EIF5: variants seen among roughly 807,000 people sequenced by gnomAD.
EIF5 encodes the protein eukaryotic translation initiation factor 5.
Under a neutral mutation model 48.3 loss-of-function variants are expected in EIF5, and 10 were observed. That is an observed-to-expected ratio of 0.21 (90% CI 0.13 to 0.35). EIF5 has a LOEUF of 0.35. Among genes scored for constraint, EIF5 ranks in the 10% least tolerant of loss-of-function variants. The probability of loss-of-function intolerance (pLI) is 1.00; values close to 1 mark genes in which losing one functional copy is unlikely to be tolerated. For synonymous variants in EIF5, 237 were observed against 173.1 expected (o/e 1.37, Z -2.90); for missense variants, 397 against 533.2 (o/e 0.74, Z 2.51).
Position 103,334,470 on chromosome 14 carries a change from G to C in EIF5, c.-336G>C, listed in dbSNP as rs1407656750. The C allele has an allele frequency of 6.6e-6, 1 of 152,460 alleles. No individual in the cohort carries two copies. The highest frequency in any genetic ancestry group is 1.5e-5 in the Non-Finnish European group (1 of 68,244). The allele number at this position is 152,460 out of a possible 1,614,324, so 9.4% of individuals were successfully genotyped here. ...TCCCCGCTGCTCGGCGGCGGCACCT[G>C]GCCCGGCCGCTCCTCGCTGCGCTTC... On this transcript the variant is annotated 5_prime_UTR_variant, in exon 2 of 12. Coordinates refer to ENST00000216554, the MANE Select transcript of EIF5 (RefSeq NM_001969.5).
In EIF5 at chr14:103,340,565, A is replaced by G; in HGVS notation, c.1206+4A>G. 1 of 1,609,214 alleles carries G rather than the reference A, an allele frequency of 6.2e-7. No homozygotes were observed. Among genetic ancestry groups the G allele is most frequent in the Non-Finnish European group, 8.5e-7 (1 of 1,175,800 alleles). On this transcript the variant is annotated splice_donor_region_variant and intron_variant, in intron 11 of 11. Transcript: ENST00000216554. ...AGATGAAGATGAGAACATTGAGGTAAACATTGGGGGAGGAGGGTATTGGAT... is the reference window on the plus strand; with the variant it reads ...AGATGAAGATGAGAACATTGAGGTAGACATTGGGGGAGGAGGGTATTGGAT...
Position 103,341,995 on chromosome 14 carries a change from C to T in EIF5, c.*943C>T, listed in dbSNP as rs1481659936. 1 of 152,562 alleles carries T rather than the reference C, an allele frequency of 6.6e-6. No homozygotes were observed. Among genetic ancestry groups the T allele is most frequent in the Non-Finnish European group, 1.5e-5 (1 of 68,024 alleles). 9.5% of individuals were successfully genotyped at this position (152,562 alleles called of 1,614,324 possible). On this transcript the variant is annotated 3_prime_UTR_variant, in exon 12 of 12. Coordinates refer to ENST00000216554, the MANE Select transcript of EIF5 (RefSeq NM_001969.5). The stretch of plus-strand genomic sequence containing the variant: ...GTTAGACATACTGTATTTTTTCGTT[C>T]AGTGTGGCTTTAATTTTCCCCTCTT...
In EIF5 at chr14:103,338,443, A is replaced by G; in HGVS notation, c.556A>G (p.Asn186Asp). The stretch of plus-strand genomic sequence containing the variant: ...GACACCACCACCACCACCACCACCA[A>G]ATGAAATTAATCCTCCTCCACATAC... The part of the protein sequence containing the change: ...SETPPPPPPP[N>D]EINPPPHTME... The change falls in exon 7 of 12, where the codon AAT becomes GAT. Residue 186 changes from asparagine (N) to aspartate (D), a missense_variant. Around this residue, in one of 4 missense-constraint regions of EIF5, gnomAD observed 126 missense variants for 141.9 expected, o/e 0.89. Coordinates refer to ENST00000216554, the MANE Select transcript of EIF5 (RefSeq NM_001969.5). 6.3e-7 allele frequency: 1 copy of G among 1,581,170 alleles called. No homozygotes were observed. The highest frequency in any genetic ancestry group is 8.6e-7 in the Non-Finnish European group (1 of 1,162,654).
Position 103,335,877 on chromosome 14 carries a change from A to T in EIF5, c.17A>T (p.Asn6Ile). 1.2e-6 allele frequency: 2 copies of T among 1,614,196 alleles called. No individual in the cohort carries two copies. Residue 6 changes from asparagine (N) to isoleucine (I), a missense_variant, in exon 3 of 12, where the codon AAC (asparagine) becomes ATC (isoleucine). By Grantham distance (149) the Asn-to-Ile change is moderately radical (BLOSUM62 -3). Around this residue, in one of 4 missense-constraint regions of EIF5, gnomAD observed 108 missense variants for 188.3 expected, o/e 0.57. Transcript: ENST00000216554. MSVNVNRSVSDQFYRY... is the reference protein window; with the variant it reads MSVNVIRSVSDQFYRY... ...TAAGCCAAAATGTCTGTCAATGTCA[A>T]CCGCAGCGTGTCAGACCAGTTCTAT... is the stretch of plus-strand genomic sequence containing the variant.
chr14:103,335,045 A>G (rs1333320113), intron 2 of EIF5: 1 of 152,192 alleles, frequency 6.6e-6, no homozygotes, highest in Non-Finnish European at 1.5e-5. Context: ...CGCGGTAGCC[A>G]TGGGGACCAG....
At chr14:103,339,449 C>G in intron 9 of EIF5, 116 bp downstream of exon 9, 1 of 1,433,814 alleles carries the variant, frequency 7.0e-7, no homozygotes. Flanking sequence ...ATTGACCCAC[C>G]TTACAAGCCT....
chr14:103,336,019 A>AT lies in EIF5; in HGVS notation c.73-15dup. ...TGTCAGGGGAAACTGCACAACTAAA[A>AT]TTCTTATTTCCTTTAGGTTGAGGGC... On this transcript the variant is annotated splice_polypyrimidine_tract_variant and intron_variant, in intron 3 of 11. Coordinates refer to ENST00000216554, the MANE Select transcript of EIF5 (RefSeq NM_001969.5). 6.2e-7 allele frequency: 1 copy of AT among 1,614,148 alleles called. No individual in the cohort carries two copies. Among genetic ancestry groups the AT allele is most frequent in the South Asian group, 1.1e-5 (1 of 91,072 alleles).
intron 6 of EIF5, chr14:103,337,462 C>T (rs1018433094): frequency 1.0e-5 from 5 of 496,052 alleles, no homozygotes; most frequent in South Asian, 2.7e-5. Context: ...ACTAGCTTAG[C>T]ATGGTGGTGT....
At position 103,342,350 on chromosome 14, in the gene EIF5, T is replaced by C. The variant is rs996213020; in HGVS notation, c.*1298T>C. 2 of 152,038 alleles carry C rather than the reference T, an allele frequency of 1.3e-5. No individual in the cohort carries two copies. Among genetic ancestry groups the C allele is most frequent in the Admixed American group, 6.6e-5 (1 of 15,258 alleles). The allele number at this position is 152,038 out of a possible 1,614,324, so 9.4% of individuals were successfully genotyped here. On this transcript the variant is annotated 3_prime_UTR_variant, in exon 12 of 12. Coordinates refer to ENST00000216554, the MANE Select transcript of EIF5 (RefSeq NM_001969.5). ...GGCTTTAGATTTGGACACACAAGAG[T>C]TGATAACTTCCTCATGAACTCCTTG... is the stretch of plus-strand genomic sequence containing the variant.
In EIF5 at chr14:103,335,928, C is replaced by G; in HGVS notation, c.68C>G (p.Ala23Gly). 1 of 1,614,170 alleles carries G rather than the reference C, an allele frequency of 6.2e-7. No individual in the cohort carries two copies. ...FYRYKMPRLI[A>G]KVEGKGNGIK... ...CGCTACAAGATGCCCCGTCTGATTG[C>G]CAAGGTAATAAACTGCTCTTCAATT... The change falls in exon 3 of 12, where the codon GCC becomes GGC. Residue 23 changes from alanine to glycine, a missense_variant. Coordinates refer to ENST00000216554, the MANE Select transcript of EIF5 (RefSeq NM_001969.5).
At chr14:103,338,505 A>C in intron 7 of EIF5, 33 bp downstream of exon 7, 1 of 1,543,902 alleles carries the variant, frequency 6.5e-7, no homozygotes, top group African/African-American at 1.4e-5. Flanking sequence ...AGTGGGCACT[A>C]AAGTTGTGTA....
intron 2 of EIF5, chr14:103,335,163 G>GT (rs2140357635): frequency 6.6e-6 from 1 of 152,464 alleles, no homozygotes; most frequent in Non-Finnish European, 1.5e-5. Context: ...CGAGCGCTGC[G>GT]TTTAAGGAAG....
chr14:103,337,987 G>C (rs1314836535), intron 6 of EIF5: 2 of 547,900 alleles, frequency 3.7e-6, no homozygotes, highest in Non-Finnish European at 3.6e-6. Flanking sequence ...TCCACCTGTT[G>C]GCTAAAGCTG....
intron 2 of EIF5, 172 bp downstream of exon 2, chr14:103,334,769 C>T (rs1223690823): frequency 6.7e-6 from 1 of 148,908 alleles, no homozygotes; most frequent in Non-Finnish European, 1.5e-5. Context: ...CGCCCCCTCC[C>T]CGGCATGGCG....
Position 103,339,620 on chromosome 14 carries a change from C to T in EIF5, c.907-19C>T, listed in dbSNP as rs1001280375. ...GAACACATAAAAAAGATTGTTAACA[C>T]CAAGGTGTCTATTTGCAGTTTTGTC... is the stretch of plus-strand genomic sequence containing the variant. On this transcript the variant is annotated intron_variant, in intron 9 of 11. Transcript: ENST00000216554. 11 of 1,613,850 alleles carry T rather than the reference C, an allele frequency of 6.8e-6. No individual in the cohort carries two copies. In the African/African-American group the frequency reaches 1.5e-4, roughly 22 times the overall value.
Position 103,340,537 on chromosome 14 carries a change from A to G in EIF5, c.1182A>G (p.Glu394=). 1 of 1,612,790 alleles carries G rather than the reference A, an allele frequency of 6.2e-7. No homozygotes were observed. Among genetic ancestry groups the G allele is most frequent in the Non-Finnish European group, 8.5e-7 (1 of 1,178,794 alleles). The change falls in exon 11 of 12, where the codon GAA becomes GAG. Residue 394 remains glutamate, a synonymous_variant. Transcript: ENST00000216554. ...EAEEESSGGE[E]EDEDENIEVV... Reference sequence around the variant, plus strand: ...AGGAAGAATCTTCTGGTGGCGAAGAAGAAGATGAAGATGAGAACATTGAGG... The same window carrying G: ...AGGAAGAATCTTCTGGTGGCGAAGAGGAAGATGAAGATGAGAACATTGAGG...
chr14:103,336,889 C>A, intron 5 of EIF5, 40 bp downstream of exon 5: 13 of 1,581,758 alleles, frequency 8.2e-6, no homozygotes, highest in Non-Finnish European at 1.1e-5. Flanking sequence ...AAGCCATATA[C>A]CTGCTTCTGT....
In EIF5 at chr14:103,339,564, C is replaced by T. The variant is rs1414864716; in HGVS notation, c.907-75C>T. ...GGTATGGGCCATGCACTTGCAGACA[C>T]TCTTATTTGGGTAATAGAGTTGTCA... On this transcript the variant is annotated intron_variant, in intron 9 of 11. Transcript: ENST00000216554. 2.5e-6 allele frequency: 4 copies of T among 1,599,996 alleles called. No individual in the cohort carries two copies. In the African/African-American group the frequency reaches 4.0e-5, roughly 16 times the overall value.
At chr14:103,339,563 ACT>A in intron 9 of EIF5, 74 bp from the exon 10 acceptor site, 2 of 1,599,858 alleles carry the variant, frequency 1.3e-6, no homozygotes, top group Non-Finnish European at 1.7e-6. Context: ...ACTTGCAGAC[ACT>A]CTTATTTGGG....
Sources: gnomAD v4.1 joint callset for allele counts on GRCh38, gnomAD v4.1.1 for gene constraint, gnomAD v4.1.1 regional missense constraint, MANE v1.5 for transcripts, NCBI Gene and HGNC (gene_info 2026-07-23, HGNC 2026-07-21) for gene names.